The following IL1RAPL2 variants were observed in gnomAD, a reference collection of about 807,000 sequenced individuals.
IL1RAPL2 encodes interleukin 1 receptor accessory protein like 2, also known as X-linked interleukin-1 receptor accessory protein-like 2.
Under a neutral mutation model 44.1 loss-of-function variants are expected in IL1RAPL2, and 3 were observed. The ratio of observed to expected loss-of-function variants is 0.07; its 90% CI spans 0.03 to 0.18. IL1RAPL2 has a LOEUF of 0.18. IL1RAPL2 is among the 10% of genes least tolerant of loss of function. The pLI, the probability that IL1RAPL2 is intolerant of heterozygous loss-of-function variation, is 1.00. For missense variants in IL1RAPL2, 391 were observed against 496.4 expected, an observed-to-expected ratio of 0.79 and a Z score of 2.02; for synonymous variants, 181 against 178.8, an observed-to-expected ratio of 1.01 and a Z score of -0.10.
intron 2 of IL1RAPL2, among the ~76,000 whole-genome samples, chrX:104,716,825 G>T (rs1352310336): frequency 8.9e-6 from 1 of 112,021 alleles, no homozygotes; most frequent in Non-Finnish European, 1.9e-5. Context: ...CTATTGGTGG[G>T]AATGTAAATT....
intron 2 of IL1RAPL2, among the ~76,000 whole-genome samples, chrX:104,675,557 G>GA (rs1261725548): frequency 1.9e-4 from 21 of 111,140 alleles, no homozygotes; most frequent in East Asian, 8.4e-4. Flanking sequence ...GTGTGGTGCT[G>GA]AAAAAAATGT....
chrX:105,722,420 CA>C (rs2096590539), intron 7 of IL1RAPL2, among the ~76,000 whole-genome samples: 1 of 111,206 alleles, frequency 9.0e-6, no homozygotes, highest in Non-Finnish European at 1.9e-5. Context: ...ACTAATTAAC[CA>C]TGTCTTCTAG....
rs782753606 is a variant in IL1RAPL2, at chrX:105,218,009, C to A, written c.357-15809C>A. Among the ~76,000 whole-genome samples the A allele has an allele frequency of 5.4e-5, 6 of 110,482 alleles. No homozygotes were observed. The East Asian group carries it at 1.7e-3, about 32-fold the overall frequency. On this transcript the variant is annotated intron_variant, in intron 3 of 10. Transcript: ENST00000372582. The stretch of plus-strand genomic sequence containing the variant: ...TATCTAACACATGCGGAGCTTAAAA[C>A]CTAGATGAAGGGTTGATAGGTACAG...
At chrX:105,741,431 G>A (rs1208913499) in intron 8 of IL1RAPL2, among the ~76,000 whole-genome samples, 1 of 111,576 alleles carries the variant, frequency 9.0e-6, no homozygotes, top group East Asian at 2.8e-4. Context: ...ATGTACATCC[G>A]GCAAAGGCTT....
rs763881696 is a variant in IL1RAPL2, at chrX:104,616,854, C to T, written c.-19-42041C>T. On this transcript the variant is annotated intron_variant, in intron 1 of 10. Transcript: ENST00000372582. ...AATAAAACTCTGGTGTCCCGCACAG[C>T]CGGCTCTGCGTGAATTACCCTTTCC... is the stretch of plus-strand genomic sequence containing the variant. Among the ~76,000 whole-genome samples, 4 of 112,107 alleles carry T rather than the reference C, an allele frequency of 3.6e-5. No individual in the cohort carries two copies. In the South Asian group the frequency reaches 1.5e-3, roughly 41 times the overall value.
intron 2 of IL1RAPL2, among the ~76,000 whole-genome samples, chrX:104,894,493 CT>C (rs1189515955): frequency 9.0e-6 from 1 of 111,469 alleles, no homozygotes; most frequent in Non-Finnish European, 1.9e-5. Context: ...TCTTTTTACT[CT>C]TTTTTTCTCT....
At chrX:105,568,964 G>T (rs2147809721) in intron 6 of IL1RAPL2, among the ~76,000 whole-genome samples, 1 of 111,237 alleles carries the variant, frequency 9.0e-6, no homozygotes, top group East Asian at 2.8e-4. Flanking sequence ...AGATACACTG[G>T]CACCATTTTT....
At chrX:105,447,451 A>G (rs1243977044) in intron 5 of IL1RAPL2, among the ~76,000 whole-genome samples, 1 of 74,341 alleles carries the variant, frequency 1.3e-5, no homozygotes, top group Non-Finnish European at 2.2e-5. Context: ...ATATAAATAT[A>G]AATAAACATA....
At chrX:105,627,010 G>T (rs73245792) in intron 6 of IL1RAPL2, among the ~76,000 whole-genome samples, 206 of 111,076 alleles carry the variant, frequency 1.9e-3, no homozygotes, top group Non-Finnish European at 3.2e-3. Flanking sequence ...CAGGAAAAAA[G>T]CTTTTCATTT....
chrX:105,060,064 C>T (rs1324155523), intron 2 of IL1RAPL2, among the ~76,000 whole-genome samples: 2 of 111,525 alleles, frequency 1.8e-5, no homozygotes, highest in Admixed American at 9.5e-5. Flanking sequence ...TTTACATTCC[C>T]GCTAACAGTG....
At chrX:104,743,493 T>A (rs938729209) in intron 2 of IL1RAPL2, among the ~76,000 whole-genome samples, 8 of 110,517 alleles carry the variant, frequency 7.2e-5, no homozygotes, top group African/African-American at 2.6e-4. Context: ...TAATTACCAC[T>A]GCAAAAATGT....
chrX:104,710,724 T>G, intron 2 of IL1RAPL2, among the ~76,000 whole-genome samples: 2 of 111,431 alleles, frequency 1.8e-5, no homozygotes, highest in Middle Eastern at 4.6e-3. Context: ...TCTCATAAAA[T>G]TATAATGGAT....
At chrX:104,906,624 A>G (rs1029311657) in intron 2 of IL1RAPL2, among the ~76,000 whole-genome samples, 3 of 112,020 alleles carry the variant, frequency 2.7e-5, no homozygotes, top group Non-Finnish European at 5.6e-5. Context: ...ATTTGCATAT[A>G]CTGAACCAGC....
chrX:104,840,683 T>G (rs1387707461), intron 2 of IL1RAPL2, among the ~76,000 whole-genome samples: 2 of 107,986 alleles, frequency 1.9e-5, no homozygotes, highest in Non-Finnish European at 3.8e-5. Flanking sequence ...CACTTTTTTT[T>G]TTTTTTTTGA....
intron 6 of IL1RAPL2, among the ~76,000 whole-genome samples, chrX:105,599,939 A>G (rs1171911988): frequency 8.9e-6 from 1 of 112,002 alleles, no homozygotes; most frequent in Non-Finnish European, 1.9e-5. Context: ...TTAATTACAT[A>G]CATAGTATAT....
intron 1 of IL1RAPL2, among the ~76,000 whole-genome samples, chrX:104,605,220 T>C (rs1376587661): frequency 9.0e-6 from 1 of 111,465 alleles, no homozygotes; most frequent in Non-Finnish European, 1.9e-5. Flanking sequence ...GAATGACTAC[T>C]GGGTAAATAA....
At chrX:105,648,473 T>C (rs2037621670) in intron 6 of IL1RAPL2, among the ~76,000 whole-genome samples, 1 of 111,465 alleles carries the variant, frequency 9.0e-6, no homozygotes, top group South Asian at 3.8e-4. Context: ...AATTTCAAGT[T>C]CTAGATGCAA....
intron 2 of IL1RAPL2, among the ~76,000 whole-genome samples, chrX:104,745,374 C>G (rs1303069455): frequency 1.8e-5 from 2 of 112,022 alleles, no homozygotes; most frequent in African/African-American, 6.5e-5. Flanking sequence ...TGTGCCAATC[C>G]CCAGAGTGTA....
At chrX:104,841,881 C>G (rs1308004839) in intron 2 of IL1RAPL2, among the ~76,000 whole-genome samples, 1 of 109,959 alleles carries the variant, frequency 9.1e-6, no homozygotes, top group Non-Finnish European at 1.9e-5. Context: ...GCTTGATCTT[C>G]TCATGAGTAT....
Sources: allele counts gnomAD v4.1 joint callset (sites outside exome capture counted in the v4.1 genomes callset), GRCh38; gene constraint gnomAD v4.1.1; transcripts MANE v1.5; gene names NCBI Gene and HGNC (gene_info 2026-07-23, HGNC 2026-07-21).